Variants in PPM1A observed in about 807,000 individuals in gnomAD.
The protein encoded by PPM1A is protein phosphatase, Mg2+/Mn2+ dependent 1A.
PPM1A carries 7 observed loss-of-function variants against 35.0 expected under a neutral mutation model. That is an observed-to-expected ratio of 0.20 (90% CI 0.11 to 0.38). PPM1A has a LOEUF of 0.38. Ranked by LOEUF, PPM1A falls within the 10% of genes least tolerant of loss-of-function variation. PPM1A has a pLI of 1.00. For missense variants in PPM1A, 239 were observed against 467.8 expected, an observed-to-expected ratio of 0.51 and a Z score of 4.51; for synonymous variants, 153 against 167.3, an observed-to-expected ratio of 0.91 and a Z score of 0.66.
At chr14:60,281,387 G>A (rs1886393701) in intron 1 of PPM1A, among the ~76,000 whole-genome samples, 2 of 152,126 alleles carry the variant, frequency 1.3e-5, no homozygotes, top group Non-Finnish European at 2.9e-5. Context: ...GAAAATGAAG[G>A]GGAAAACAAA....
chr14:60,282,892 T>G lies in PPM1A; in HGVS notation c.189T>G (p.Ala63=), dbSNP rs576909532. The change falls in exon 2 of 6, where the codon GCT becomes GCG. Residue 63 remains alanine (A), a synonymous_variant. Coordinates refer to ENST00000395076, the MANE Select transcript of PPM1A (RefSeq NM_021003.5). The surrounding 1 kb of genome is among the most constrained non-coding windows in gnomAD (Gnocchi z 5.1). ...TCTTTGCTGTGTATGATGGGCATGC[T>G]GGTTCTCAGGTTGCCAAATACTGCT... The part of the protein sequence containing the change: ...WSFFAVYDGH[A]GSQVAKYCCE... 6.8e-6 allele frequency: 11 copies of G among 1,614,236 alleles called. No homozygotes were observed. In the African/African-American group the frequency reaches 1.5e-4, roughly 22 times the overall value.
chr14:60,286,417 A>G (rs1476458037), intron 3 of PPM1A: 1 of 985,302 alleles, frequency 1.0e-6, no homozygotes, highest in Admixed American at 6.1e-5. Flanking sequence ...AGTTTATTGC[A>G]TATATGCAGT....
In PPM1A at chr14:60,297,908, C is replaced by G. The variant is rs2139623648; in HGVS notation, c.*5426C>G. Reference sequence around the variant, plus strand: ...TTCATGGGCCCCCTGGTTAAGAGCCCATTCTAAAGTACAATAGGGCATCAT... The same window carrying G: ...TTCATGGGCCCCCTGGTTAAGAGCCGATTCTAAAGTACAATAGGGCATCAT... On this transcript the variant is annotated 3_prime_UTR_variant, in exon 6 of 6. Coordinates refer to ENST00000395076, the MANE Select transcript of PPM1A (RefSeq NM_021003.5). The G allele has an allele frequency of 6.6e-6, 1 of 151,554 alleles. No homozygotes were observed. The highest frequency in any genetic ancestry group is 1.9e-4 in the East Asian group (1 of 5,162). 9.4% of individuals were successfully genotyped at this position (151,554 alleles called of 1,614,324 possible).
rs552661570 is a variant in PPM1A at position 60,252,543 on chromosome 14, TA to T, written c.-21+2867del. 2.0e-3 allele frequency among the ~76,000 whole-genome samples: 298 copies of T among 152,296 alleles called. 1 individual carries two copies. Among genetic ancestry groups the T allele is most frequent in the African/African-American group, 6.7e-3 (277 of 41,560 alleles). ...AAACCTTGGAGAAGAGGAGAAGGTATAGTGAGGCAACTGGGTAAAAGTTGTG... is the reference window on the plus strand; with the variant it reads ...AAACCTTGGAGAAGAGGAGAAGGTATGTGAGGCAACTGGGTAAAAGTTGTG... On this transcript the variant is annotated intron_variant, in intron 1 of 5. Coordinates refer to ENST00000395076, the MANE Select transcript of PPM1A (RefSeq NM_021003.5).
At chr14:60,278,134 G>C (rs1885962530) in intron 1 of PPM1A, among the ~76,000 whole-genome samples, 1 of 152,180 alleles carries the variant, frequency 6.6e-6, no homozygotes, top group Non-Finnish European at 1.5e-5. Flanking sequence ...ATAAATGTTA[G>C]ATGTTATTAT....
chr14:60,246,466 A>G (rs893593985), upstream of PPM1A, among the ~76,000 whole-genome samples: 3 of 152,206 alleles, frequency 2.0e-5, no homozygotes, highest in African/African-American at 7.2e-5. Flanking sequence ...CAGATTTCCA[A>G]AGCAGAGCAG....
At chr14:60,249,216 G>A, upstream of PPM1A, 1 of 987,496 alleles carries the variant, frequency 1.0e-6, no homozygotes, top group Non-Finnish European at 1.2e-6. The surrounding 1 kb of genome is among the most constrained non-coding windows in gnomAD (Gnocchi z 4.5). Context: ...GCGCGGGGCC[G>A]CGCTAGAGGC....
chr14:60,260,862 C>G (rs1037792827), intron 1 of PPM1A, among the ~76,000 whole-genome samples: 2 of 152,106 alleles, frequency 1.3e-5, no homozygotes, highest in Non-Finnish European at 2.9e-5. Flanking sequence ...TCTTTTACAA[C>G]TTAAATAACA....
At chr14:60,267,153 C>T (rs949463108) in intron 1 of PPM1A, 1 of 151,962 alleles carries the variant, frequency 6.6e-6, no homozygotes, top group South Asian at 2.1e-4. Flanking sequence ...AATTTTATGC[C>T]TCTTTTTGTT....
At position 60,289,853 on chromosome 14, in the gene PPM1A, A is replaced by G. The variant is rs1887443270; in HGVS notation, c.1000A>G (p.Met334Val). The G allele has an allele frequency of 6.2e-7, 1 of 1,600,490 alleles. No individual in the cohort carries two copies. The highest frequency in any genetic ancestry group is 8.5e-7 in the Non-Finnish European group (1 of 1,176,314). Residue 334 changes from methionine to valine, a missense_variant, in exon 4 of 6, where the codon ATG becomes GTG. By Grantham distance (21) the Met-to-Val change is conservative. Transcript: ENST00000395076. The surrounding 1 kb of genome is among the most constrained non-coding windows in gnomAD (Gnocchi z 4.1). ...AGGCGTCCCCGACTTAGTCCATGTG[A>G]TGCGCACATTAGCGAGTGAGAACAT... is the stretch of plus-strand genomic sequence containing the variant. Reference protein sequence around the residue: ...GEGVPDLVHVMRTLASENIPS... With the variant: ...GEGVPDLVHVVRTLASENIPS...
In PPM1A at chr14:60,249,817, C is replaced by A; in HGVS notation, c.-21+140C>A. The A allele has an allele frequency of 2.9e-6, 1 of 348,520 alleles. No homozygotes were observed. Among genetic ancestry groups the A allele is most frequent in the Non-Finnish European group, 4.0e-6 (1 of 247,704 alleles). 21.6% of individuals were successfully genotyped at this position (348,520 alleles called of 1,614,324 possible). ...CGGGAGGAGACGCGACAACTCCACC[C>A]CCTGGCCGGCCTCCTCCCCCGAGCC... On this transcript the variant is annotated intron_variant, in intron 1 of 5. Transcript: ENST00000395076. This position sits in a 1 kb window ranked among gnomAD's most constrained non-coding sequence, Gnocchi z 4.5.
chr14:60,256,829 AT>A (rs1883190782), intron 1 of PPM1A: 1 of 152,206 alleles, frequency 6.6e-6, no homozygotes, highest in Admixed American at 6.5e-5. Flanking sequence ...TGCAGAAATA[AT>A]TTGTTGATCC....
intron 1 of PPM1A, among the ~76,000 whole-genome samples, chr14:60,251,287 A>C (rs1325780073): frequency 6.6e-6 from 1 of 152,266 alleles, no homozygotes; most frequent in Non-Finnish European, 1.5e-5. Context: ...ATTATGGGAA[A>C]GGTGTATTAA....
chr14:60,246,186 C>T, upstream of PPM1A: 1 of 839,908 alleles, frequency 1.2e-6, no homozygotes, highest in Non-Finnish European at 1.8e-6. Flanking sequence ...TACATTACTG[C>T]ATATATTTTG....
chr14:60,268,419 A>G (rs886500942), intron 1 of PPM1A: 13 of 965,930 alleles, frequency 1.3e-5, no homozygotes, highest in African/African-American at 1.8e-5. Flanking sequence ...TTACAACAAT[A>G]AAATTCTATT....
At chr14:60,284,683 G>GTA (rs370462212) in intron 2 of PPM1A, among the ~76,000 whole-genome samples, 9,593 of 132,340 alleles carry the variant, frequency 0.072, 481 homozygotes, top group African/African-American at 0.19. Context: ...ATGAGCGTAT[G>GTA]TATATATATA....
intron 1 of PPM1A, among the ~76,000 whole-genome samples, chr14:60,262,779 T>C (rs1254899580): frequency 6.6e-6 from 1 of 152,098 alleles, no homozygotes; most frequent in African/African-American, 2.4e-5. Context: ...ATATAGAAAA[T>C]ATGAGAACAG....
chr14:60,252,122 C>G (rs1429805739), intron 1 of PPM1A, among the ~76,000 whole-genome samples: 1 of 152,136 alleles, frequency 6.6e-6, no homozygotes, highest in Non-Finnish European at 1.5e-5. Flanking sequence ...CAGATTACAT[C>G]TAGGCCATTT....
chr14:60,263,038 G>A (rs146653994), intron 1 of PPM1A, among the ~76,000 whole-genome samples: 16 of 152,212 alleles, frequency 1.1e-4, no homozygotes, highest in African/African-American at 2.9e-4. Context: ...CCAACATGGC[G>A]AAACCCTATC....
Sources: gnomAD v4.1 joint callset for allele counts (sites outside exome capture counted in the v4.1 genomes callset) on GRCh38, gnomAD v4.1.1 for gene constraint, Gnocchi (gnomAD v3.1) non-coding constraint, MANE v1.5 for transcripts, NCBI Gene and HGNC (gene_info 2026-07-23, HGNC 2026-07-21) for gene names.